PTK2B: variants seen among roughly 807,000 people sequenced by gnomAD.
PTK2B encodes the protein protein tyrosine kinase 2 beta.
A neutral mutation model predicts 142.9 loss-of-function variants in PTK2B; 71 were observed. The observed-to-expected ratio is 0.50, with a 90% CI of 0.41 to 0.61. PTK2B has a LOEUF of 0.61. Among genes scored for constraint, PTK2B ranks in the 20% least tolerant of loss-of-function variants. PTK2B has a pLI of 0.00. For missense variants in PTK2B, 1,105 were observed against 1,320.4 expected, an observed-to-expected ratio of 0.84 and a Z score of 2.53; for synonymous variants, 519 against 503.4, an observed-to-expected ratio of 1.03 and a Z score of -0.42.
chr8:27,434,268 T>C lies in PTK2B; in HGVS notation c.1145+136T>C, dbSNP rs1810630413. ...AGGAGAACCCTGAAAAAAGATGATCTTTCCCTCCCAATAAATACCTGCAGG... is the reference window on the plus strand; with the variant it reads ...AGGAGAACCCTGAAAAAAGATGATCCTTCCCTCCCAATAAATACCTGCAGG... On this transcript the variant is annotated intron_variant, in intron 12 of 30. Coordinates refer to ENST00000346049, the MANE Select transcript of PTK2B (RefSeq NM_173176.3). The C allele has an allele frequency of 3.3e-6, 4 of 1,213,478 alleles. No individual in the cohort carries two copies. The Admixed American group carries it at 9.0e-5, about 27-fold the overall frequency. The allele number at this position is 1,213,478 out of a possible 1,614,324, so 75.2% of individuals were successfully genotyped here. A position where few individuals can be genotyped will look rare whatever the true frequency, so the allele number is the denominator to read the frequency against.
intron 9 of PTK2B, 64 bp from the exon 10 acceptor site, chr8:27,432,196 A>T: frequency 6.7e-7 from 1 of 1,493,492 alleles, no homozygotes; most frequent in Non-Finnish European, 9.2e-7. Context: ...CCCCATACTG[A>T]CCAATCTGCA....
intron 2 of PTK2B, among the ~76,000 whole-genome samples, chr8:27,312,654 C>T (rs1803003557): frequency 6.6e-6 from 1 of 152,132 alleles, no homozygotes; most frequent in South Asian, 2.1e-4. Context: ...TTTTCTCTGC[C>T]CTCCTATCTC....
intron 30 of PTK2B, among the ~76,000 whole-genome samples, chr8:27,454,937 A>G (rs1187865193): frequency 6.9e-6 from 1 of 144,862 alleles, no homozygotes; most frequent in African/African-American, 2.4e-5. Flanking sequence ...CTGTGTTAAG[A>G]TTAACATGGA....
At chr8:27,335,190 G>A (rs762121050) in intron 1 of PTK2B, among the ~76,000 whole-genome samples, 7 of 152,176 alleles carry the variant, frequency 4.6e-5, no homozygotes, top group Non-Finnish European at 1.0e-4. Flanking sequence ...TCTGGCCCTG[G>A]GAAGCTCGAG....
At chr8:27,457,539 T>G (rs1812209667) in intron 30 of PTK2B, among the ~76,000 whole-genome samples, 1 of 152,222 alleles carries the variant, frequency 6.6e-6, no homozygotes, top group Non-Finnish European at 1.5e-5. Flanking sequence ...CTGGCCAAAG[T>G]TCACTGAAAA....
chr8:27,411,624 T>G (rs905218136), intron 2 of PTK2B, among the ~76,000 whole-genome samples: 12 of 152,310 alleles, frequency 7.9e-5, no homozygotes, highest in African/African-American at 2.9e-4. Flanking sequence ...ATGTCAAAAT[T>G]GGGTTCTCAC....
chr8:27,439,811 A>C (rs1370306578), intron 20 of PTK2B, among the ~76,000 whole-genome samples: 3 of 152,192 alleles, frequency 2.0e-5, no homozygotes, highest in Admixed American at 1.3e-4. Context: ...CCTGTAGAAC[A>C]TTATTATTAC....
rs538990319 is a variant in PTK2B at position 27,381,886 on chromosome 8, A to G, written c.-37-15662A>G. 3.3e-5 allele frequency among the ~76,000 whole-genome samples: 5 copies of G among 152,258 alleles called. No homozygotes were observed. In the East Asian group the frequency reaches 7.7e-4, roughly 23 times the overall value. ...GAGATGCTATCTCATTGTAGTTTTG[A>G]TTCATATTTCCCTTATGATTAGTGA... is the stretch of plus-strand genomic sequence containing the variant. On this transcript the variant is annotated intron_variant, in intron 1 of 30. Transcript: ENST00000346049.
intron 1 of PTK2B, among the ~76,000 whole-genome samples, chr8:27,385,452 A>G (rs556194021): frequency 6.6e-6 from 1 of 152,318 alleles, no homozygotes; most frequent in African/African-American, 2.4e-5. Context: ...TCATTGAGAT[A>G]TCTGTCTATC....
At position 27,445,931 on chromosome 8, in the gene PTK2B, CT is replaced by C; in HGVS notation, c.2340+13del. ...GCCACAGCATGCGGGTAAGAGGGCTCTGCATGCTGGTCCCTGCCCGGACTGA... is the reference window on the plus strand; with the variant it reads ...GCCACAGCATGCGGGTAAGAGGGCTCGCATGCTGGTCCCTGCCCGGACTGA... On this transcript the variant is annotated intron_variant, in intron 24 of 30. Coordinates refer to ENST00000346049, the MANE Select transcript of PTK2B (RefSeq NM_173176.3). 6.2e-7 allele frequency: 1 copy of C among 1,612,884 alleles called. No homozygotes were observed. Among genetic ancestry groups the C allele is most frequent in the South Asian group, 1.1e-5 (1 of 91,088 alleles).
chr8:27,390,238 G>A (rs2565053), intron 1 of PTK2B, among the ~76,000 whole-genome samples: 1 of 152,180 alleles, frequency 6.6e-6, no homozygotes, highest in Non-Finnish European at 1.5e-5. Flanking sequence ...GGAAGGCAGG[G>A]CTGGGTGAAA....
intron 1 of PTK2B, among the ~76,000 whole-genome samples, chr8:27,337,772 A>T (rs1037413351): frequency 2.6e-5 from 4 of 152,230 alleles, no homozygotes; most frequent in Non-Finnish European, 5.9e-5. Flanking sequence ...CTTCATTAGT[A>T]AACATTTGGA....
intron 2 of PTK2B, among the ~76,000 whole-genome samples, chr8:27,419,690 C>G (rs1399312457): frequency 6.6e-6 from 1 of 152,252 alleles, no homozygotes; most frequent in Non-Finnish European, 1.5e-5. Flanking sequence ...GTTCCTCTGT[C>G]TCTGCCTCAT....
At chr8:27,451,009 T>G in intron 25 of PTK2B, 34 bp from the exon 26 acceptor site, 1 of 1,610,292 alleles carries the variant, frequency 6.2e-7, no homozygotes, top group East Asian at 2.2e-5. Context: ...GCTCCAGAAT[T>G]CTTAGTCCTT....
Position 27,436,324 on chromosome 8 carries a change from C to A in PTK2B, c.1317C>A (p.Val439=). The A allele has an allele frequency of 1.9e-6, 3 of 1,613,942 alleles. No individual in the cohort carries two copies. Among genetic ancestry groups the A allele is most frequent in the Non-Finnish European group, 1.7e-6 (2 of 1,179,836 alleles). ...RILGEGFFGE[V]YEGVYTNHKG... ...TTGGGGAAGGCTTTTTTGGGGAGGT[C>A]TATGAAGGTGTCTACACAAATCACG... The change falls in exon 15 of 31, where the codon GTC becomes GTA. Residue 439 remains valine, a synonymous_variant. Coordinates refer to ENST00000346049, the MANE Select transcript of PTK2B (RefSeq NM_173176.3).
chr8:27,316,353 T>C (rs1803094358), intron 3 of PTK2B, among the ~76,000 whole-genome samples: 1 of 152,010 alleles, frequency 6.6e-6, no homozygotes, highest in Non-Finnish European at 1.5e-5. Flanking sequence ...AAGGCAGAGA[T>C]TGTTAGATTA....
At chr8:27,416,370 CCT>C (rs1809401825) in intron 2 of PTK2B, among the ~76,000 whole-genome samples, 2 of 152,088 alleles carry the variant, frequency 1.3e-5, no homozygotes, top group Non-Finnish European at 2.9e-5. Flanking sequence ...CAGAAATAAA[CCT>C]AGATGGCCAA....
At chr8:27,366,627 AG>A (rs1424334186) in intron 1 of PTK2B, among the ~76,000 whole-genome samples, 1 of 152,210 alleles carries the variant, frequency 6.6e-6, no homozygotes, top group East Asian at 1.9e-4. Flanking sequence ...TTCCTGAGCC[AG>A]GGTTCCTGTG....
upstream of PTK2B, chr8:27,323,351 T>G (rs1475136469): frequency 6.6e-6 from 1 of 152,208 alleles, no homozygotes; most frequent in East Asian, 1.9e-4. Context: ...AACATCCAAA[T>G]GGAAGAGTCC....
Sources: gnomAD v4.1 joint callset for allele counts (sites outside exome capture counted in the v4.1 genomes callset) on GRCh38, gnomAD v4.1.1 for gene constraint, MANE v1.5 for transcripts, NCBI Gene and HGNC (gene_info 2026-07-23, HGNC 2026-07-21) for gene names.